Variants in SLC4A10 observed in about 807,000 individuals in gnomAD.
The protein encoded by SLC4A10 is solute carrier family 4 member 10.
A neutral mutation model predicts 137.7 loss-of-function variants in SLC4A10; 42 were observed. The ratio of observed to expected loss-of-function variants is 0.30; its 90% confidence interval spans 0.24 to 0.39. The LOEUF is 0.39. Among genes scored for constraint, SLC4A10 ranks in the 10% least tolerant of loss-of-function variants. The probability of loss-of-function intolerance (pLI) is 1.00; values close to 1 mark genes in which losing one functional copy is unlikely to be tolerated. For synonymous variants in SLC4A10, 474 were observed against 464.1 expected (o/e 1.02, Z -0.27); for missense variants, 925 against 1,355.0 (o/e 0.68, Z 4.98).
intron 1 of SLC4A10, among the ~76,000 whole-genome samples, chr2:161,638,863 C>T (rs1408939441): frequency 1.6e-5 from 1 of 62,558 alleles, no homozygotes; most frequent in African/African-American, 4.9e-5. Context: ...ATAGGTATTT[C>T]TTTTTTTTAA....
chr2:161,790,798 G>A (rs1453442446), intron 2 of SLC4A10, among the ~76,000 whole-genome samples: 1 of 152,034 alleles, frequency 6.6e-6, no homozygotes, highest in Non-Finnish European at 1.5e-5. Flanking sequence ...ATTTACTTTT[G>A]TGTGGGCAAA....
At chr2:161,968,059 T>C (rs1039808540) in intron 23 of SLC4A10, among the ~76,000 whole-genome samples, 1 of 152,048 alleles carries the variant, frequency 6.6e-6, no homozygotes, top group African/African-American at 2.4e-5. Context: ...CGTGAAACAT[T>C]CTTGCCTTTT....
At chr2:161,939,060 T>C (rs1347864217) in intron 15 of SLC4A10, among the ~76,000 whole-genome samples, 1 of 152,098 alleles carries the variant, frequency 6.6e-6, no homozygotes, top group Non-Finnish European at 1.5e-5. Context: ...CTTATAAATA[T>C]GGATTTAGCT....
intron 1 of SLC4A10, among the ~76,000 whole-genome samples, chr2:161,738,940 T>G (rs1438115386): frequency 6.6e-6 from 1 of 152,178 alleles, no homozygotes; most frequent in African/African-American, 2.4e-5. Flanking sequence ...CTACATTCAC[T>G]TTTAGCCCCA....
At chr2:161,918,371 G>A (rs570931249) in intron 15 of SLC4A10, among the ~76,000 whole-genome samples, 1 of 152,178 alleles carries the variant, frequency 6.6e-6, no homozygotes, top group East Asian at 1.9e-4. Context: ...AGCCAGGCTG[G>A]TCTCAAACCC....
chr2:161,904,232 A>G, intron 13 of SLC4A10, 54 bp downstream of exon 13: 2 of 1,512,958 alleles, frequency 1.3e-6, no homozygotes, highest in Non-Finnish European at 8.9e-7. Context: ...TTTAAGATTC[A>G]TAGTTAGATA....
intron 3 of SLC4A10, among the ~76,000 whole-genome samples, chr2:161,827,029 T>C (rs563387359): frequency 6.6e-6 from 1 of 152,364 alleles, no homozygotes; most frequent in African/African-American, 2.4e-5. Flanking sequence ...ATATCTGTCT[T>C]ATTCACTACT....
intron 1 of SLC4A10, among the ~76,000 whole-genome samples, chr2:161,666,357 A>T (rs1000045383): frequency 6.6e-6 from 1 of 151,642 alleles, no homozygotes; most frequent in Non-Finnish European, 1.5e-5. Flanking sequence ...CAATTTTTCC[A>T]ACACGTAACA....
chr2:161,701,926 G>A lies in SLC4A10; in HGVS notation c.49-69047G>A, dbSNP rs58401071. Among the ~76,000 whole-genome samples, 975 of 152,052 alleles carry A rather than the reference G, an allele frequency of 6.4e-3. 8 individuals carry two copies. The highest frequency in any genetic ancestry group is 0.022 in the African/African-American group (927 of 41,554). ...TAACGGACACTGGCCAGGCTGCAGAGAAAGGGGAATGCTGGTACACTGTAA... is the reference window on the plus strand; with the variant it reads ...TAACGGACACTGGCCAGGCTGCAGAAAAAGGGGAATGCTGGTACACTGTAA... On this transcript the variant is annotated intron_variant, in intron 1 of 26. Coordinates refer to ENST00000446997, the MANE Select transcript of SLC4A10 (RefSeq NM_001178015.2).
At chr2:161,834,783 C>T (rs2058660126) in intron 3 of SLC4A10, among the ~76,000 whole-genome samples, 1 of 151,862 alleles carries the variant, frequency 6.6e-6, no homozygotes, top group Non-Finnish European at 1.5e-5. Context: ...TGGATGAATG[C>T]CATGTAGTGG....
At chr2:161,967,877 C>A (rs60650371) in intron 23 of SLC4A10, among the ~76,000 whole-genome samples, 1 of 151,380 alleles carries the variant, frequency 6.6e-6, no homozygotes, top group East Asian at 1.9e-4. Flanking sequence ...TATGTGAGCA[C>A]TTATTGTACT....
chr2:161,820,395 A>G (rs1424273366), intron 3 of SLC4A10, among the ~76,000 whole-genome samples: 1 of 152,214 alleles, frequency 6.6e-6, no homozygotes, highest in East Asian at 1.9e-4. Flanking sequence ...GAATTATCAC[A>G]CCAGAACATC....
intron 15 of SLC4A10, among the ~76,000 whole-genome samples, chr2:161,929,413 CT>C (rs1689901751): frequency 6.6e-6 from 1 of 152,176 alleles, no homozygotes; most frequent in South Asian, 2.1e-4. Flanking sequence ...AGGCAAATAT[CT>C]AAAATAATTA....
chr2:161,811,133 C>T (rs2056513467), intron 3 of SLC4A10, among the ~76,000 whole-genome samples: 1 of 151,998 alleles, frequency 6.6e-6, no homozygotes, highest in African/African-American at 2.4e-5. Flanking sequence ...TCCATTTCCT[C>T]TAGATTTTCT....
intron 2 of SLC4A10, among the ~76,000 whole-genome samples, chr2:161,801,385 A>G (rs2055349904): frequency 6.6e-6 from 1 of 151,494 alleles, no homozygotes; most frequent in Non-Finnish European, 1.5e-5. Flanking sequence ...GCTCTTTACT[A>G]TTTCTCTTAT....
intron 19 of SLC4A10, 118 bp from the exon 20 acceptor site, chr2:161,956,871 G>A (rs749720545): frequency 4.2e-5 from 47 of 1,111,260 alleles, no homozygotes; most frequent in Non-Finnish European, 5.7e-5. Context: ...TACTCCAGGA[G>A]ATCTGATATG....
intron 10 of SLC4A10, among the ~76,000 whole-genome samples, chr2:161,894,284 A>G (rs2063219996): frequency 6.6e-6 from 1 of 152,110 alleles, no homozygotes; most frequent in Non-Finnish European, 1.5e-5. Context: ...TATTTATGCC[A>G]GGGTATAAAT....
At chr2:161,638,467 C>T (rs1040812323) in intron 1 of SLC4A10, among the ~76,000 whole-genome samples, 6 of 152,008 alleles carry the variant, frequency 3.9e-5, no homozygotes, top group Non-Finnish European at 8.8e-5. Flanking sequence ...GTTTTCTATT[C>T]TGTTTCATTG....
intron 8 of SLC4A10, 142 bp downstream of exon 8, chr2:161,874,147 C>T: frequency 1.2e-6 from 1 of 820,290 alleles, no homozygotes; most frequent in Non-Finnish European, 1.8e-6. Flanking sequence ...ATTGCATCTT[C>T]ATTCATCTGC....
Sources: gnomAD v4.1 joint callset for allele counts (sites outside exome capture counted in the v4.1 genomes callset) on GRCh38, gnomAD v4.1.1 for gene constraint, MANE v1.5 for transcripts, NCBI Gene and HGNC (gene_info 2026-07-23, HGNC 2026-07-21) for gene names.